Variants in RPSA2 observed in about 807,000 individuals in gnomAD.
RPSA2 encodes the protein ribosomal protein SA 2, also known as small ribosomal subunit protein uS2B.
chr19:23,811,041 C>G, the RPSA2 span, among the ~76,000 whole-genome samples: 1 of 144,764 alleles, frequency 6.9e-6, no homozygotes, highest in Non-Finnish European at 1.5e-5. Flanking sequence ...GAGTCTTGCT[C>G]TGTCACACAG....
chr19:23,812,387 TC>T, the RPSA2 span, among the ~76,000 whole-genome samples: 5 of 44,278 alleles, frequency 1.1e-4, no homozygotes, highest in East Asian at 3.0e-3. Flanking sequence ...TCTCTTTTTC[TC>T]TTTTTTTTTT....
the RPSA2 span, among the ~76,000 whole-genome samples, chr19:23,787,883 GAT>G: frequency 1.3e-5 from 2 of 152,152 alleles, no homozygotes; most frequent in Non-Finnish European, 2.9e-5. Context: ...GCCCATAGAT[GAT>G]ATGAGTTTTC....
the RPSA2 span, among the ~76,000 whole-genome samples, chr19:23,839,494 G>A: frequency 6.6e-6 from 1 of 152,112 alleles, no homozygotes; most frequent in African/African-American, 2.4e-5. Context: ...CCATGTGGAG[G>A]GCAAGTTGGG....
chr19:23,833,191 CAT>C, the RPSA2 span: 2 of 1,185,680 alleles, frequency 1.7e-6, no homozygotes, highest in Non-Finnish European at 2.1e-6. Context: ...CCTAACTAAA[CAT>C]AAGAAAATTT....
chr19:23,828,936 GACACACAC>G, the RPSA2 span, among the ~76,000 whole-genome samples: 73 of 148,376 alleles, frequency 4.9e-4, no homozygotes, highest in African/African-American at 1.7e-3. Context: ...CCTAATGTGA[GACACACAC>G]ACACACACAC....
At chr19:23,787,284 G>T in the RPSA2 span, among the ~76,000 whole-genome samples, 1 of 151,996 alleles carries the variant, frequency 6.6e-6, no homozygotes, top group Non-Finnish European at 1.5e-5. Flanking sequence ...TTTATGCCTG[G>T]GCCTTGCCTA....
the RPSA2 span, among the ~76,000 whole-genome samples, chr19:23,838,265 C>G: frequency 1.7e-4 from 26 of 149,260 alleles, no homozygotes; most frequent in African/African-American, 6.2e-4. Flanking sequence ...GTGTGTTAAA[C>G]CATCCCTGCA....
the RPSA2 span, among the ~76,000 whole-genome samples, chr19:23,803,092 T>C: frequency 7.0e-5 from 1 of 14,244 alleles, no homozygotes; most frequent in African/African-American, 1.5e-4. Flanking sequence ...ACTCTGAGAT[T>C]TAATTTTTTT....
the RPSA2 span, among the ~76,000 whole-genome samples, chr19:23,862,524 T>C: frequency 6.6e-6 from 1 of 152,024 alleles, no homozygotes; most frequent in East Asian, 1.9e-4. Flanking sequence ...TTGTCATAGA[T>C]AGCTCTTATT....
At chr19:23,810,813 G>C in the RPSA2 span, among the ~76,000 whole-genome samples, 1 of 152,084 alleles carries the variant, frequency 6.6e-6, no homozygotes, top group Non-Finnish European at 1.5e-5. Context: ...GTTTGGGATG[G>C]TTACAGAGTA....
chr19:23,822,302 A>G, the RPSA2 span, among the ~76,000 whole-genome samples: 2 of 152,218 alleles, frequency 1.3e-5, no homozygotes, highest in African/African-American at 4.8e-5. Flanking sequence ...GGCCCTGAGC[A>G]TATGCCTGGA....
chr19:23,847,165 TC>T, the RPSA2 span, among the ~76,000 whole-genome samples: 1 of 152,054 alleles, frequency 6.6e-6, no homozygotes, highest in African/African-American at 2.4e-5. Flanking sequence ...GAATGTATTT[TC>T]TTTTTCCTTC....
chr19:23,847,512 T>G, the RPSA2 span, among the ~76,000 whole-genome samples: 1 of 152,180 alleles, frequency 6.6e-6, no homozygotes, highest in African/African-American at 2.4e-5. Context: ...TTATTAAGGA[T>G]TTCAAAAGGG....
chr19:23,806,985 G>A, the RPSA2 span, among the ~76,000 whole-genome samples: 1 of 152,210 alleles, frequency 6.6e-6, no homozygotes, highest in South Asian at 2.1e-4. Flanking sequence ...CAGTAGTGAT[G>A]CTGTGTCCTT....
chr19:23,853,979 T>G, the RPSA2 span, among the ~76,000 whole-genome samples: 3 of 152,198 alleles, frequency 2.0e-5, no homozygotes, highest in Admixed American at 1.3e-4. Context: ...TTGAATGTGT[T>G]TGGTGCAGGT....
chr19:23,787,741 T>C, the RPSA2 span, among the ~76,000 whole-genome samples: 1 of 152,230 alleles, frequency 6.6e-6, no homozygotes, highest in Non-Finnish European at 1.5e-5. Context: ...ATATGGTTGA[T>C]TTTTTTCTTT....
At chr19:23,861,004 G>T in the RPSA2 span, among the ~76,000 whole-genome samples, 3 of 40,282 alleles carry the variant, frequency 7.4e-5, no homozygotes, top group Non-Finnish European at 1.6e-4. Flanking sequence ...AGTACATGTT[G>T]CTCCTCCTGC....
At chr19:23,789,386 T>C in the RPSA2 span, among the ~76,000 whole-genome samples, 3 of 152,162 alleles carry the variant, frequency 2.0e-5, no homozygotes, top group African/African-American at 4.8e-5. Context: ...GACTCTCCTG[T>C]CTGGTTCTTT....
the RPSA2 span, among the ~76,000 whole-genome samples, chr19:23,856,896 G>T: frequency 1.3e-5 from 2 of 152,122 alleles, no homozygotes; most frequent in African/African-American, 2.4e-5. Flanking sequence ...CCTGATAAGG[G>T]TCTATGTTCA....
Sources: allele counts gnomAD v4.1 joint callset (sites outside exome capture counted in the v4.1 genomes callset), GRCh38; gene constraint gnomAD v4.1.1; transcripts MANE v1.5; gene names NCBI Gene and HGNC (gene_info 2026-07-23, HGNC 2026-07-21).